LAMA2: variants seen among roughly 807,000 people sequenced by gnomAD.
The protein encoded by LAMA2 is laminin subunit alpha 2.
A neutral mutation model predicts 364.8 loss-of-function variants in LAMA2; 269 were observed. The observed-to-expected ratio is 0.74, with a 90% CI of 0.67 to 0.82. The LOEUF (loss-of-function observed/expected upper bound fraction) is 0.82. LAMA2 is among the 40% of genes least tolerant of loss of function. LAMA2 has a pLI of 0.00. For missense variants in LAMA2, 3,807 were observed against 3,873.2 expected (o/e 0.98, Z 0.45); for synonymous variants, 1,379 against 1,370.6 (o/e 1.01, Z -0.14).
intron 4 of LAMA2, among the ~76,000 whole-genome samples, chr6:129,124,430 C>T (rs1776993098): frequency 6.6e-6 from 1 of 152,156 alleles, no homozygotes; most frequent in Admixed American, 6.5e-5. Context: ...AAGATTTGAA[C>T]CCATTAAGCT....
chr6:129,179,542 G>A (rs541172671), intron 10 of LAMA2, among the ~76,000 whole-genome samples: 1 of 152,202 alleles, frequency 6.6e-6, no homozygotes, highest in East Asian at 1.9e-4. Flanking sequence ...GCTACTTACT[G>A]CCTGCTCTCA....
At chr6:129,299,638 T>A (rs1773422995) in intron 21 of LAMA2, among the ~76,000 whole-genome samples, 2 of 152,176 alleles carry the variant, frequency 1.3e-5, no homozygotes, top group African/African-American at 4.8e-5. Context: ...TTCTTCTTAA[T>A]GAAGGACACA....
intron 1 of LAMA2, among the ~76,000 whole-genome samples, chr6:128,922,089 T>G (rs1778776437): frequency 6.6e-6 from 1 of 152,178 alleles, no homozygotes; most frequent in African/African-American, 2.4e-5. Flanking sequence ...TGCCACATTT[T>G]CTTAATCTAG....
chr6:129,203,392 A>G (rs528558131), intron 12 of LAMA2, among the ~76,000 whole-genome samples: 2 of 152,348 alleles, frequency 1.3e-5, no homozygotes, highest in South Asian at 2.1e-4. Context: ...GCCACTTGCA[A>G]TAGATCAGAC....
chr6:129,236,753 G>GTA (rs142812017), intron 12 of LAMA2, among the ~76,000 whole-genome samples: 7,452 of 151,806 alleles, frequency 0.049, 273 homozygotes, highest in Non-Finnish European at 0.068. Flanking sequence ...ACACATATAA[G>GTA]TATATATATA....
At chr6:129,460,175 C>G (rs372475409) in intron 48 of LAMA2, 25 bp from the exon 49 acceptor site, 2 of 1,609,654 alleles carry the variant, frequency 1.2e-6, no homozygotes, top group African/African-American at 1.3e-5. Context: ...CAAATTCTAG[C>G]AAATAACGGT....
intron 12 of LAMA2, among the ~76,000 whole-genome samples, chr6:129,227,947 A>C (rs866160061): frequency 8.1e-4 from 124 of 152,316 alleles, no homozygotes; most frequent in Middle Eastern, 6.8e-3. Context: ...AGAGGCAGGC[A>C]GGCATCCTTG....
chr6:129,301,765 T>G (rs1431268261), intron 22 of LAMA2, among the ~76,000 whole-genome samples: 1 of 152,136 alleles, frequency 6.6e-6, no homozygotes, highest in East Asian at 1.9e-4. Flanking sequence ...ATTACAGTGG[T>G]GTAATCATCC....
At chr6:129,385,881 T>C (rs1778986849) in intron 35 of LAMA2, among the ~76,000 whole-genome samples, 1 of 152,196 alleles carries the variant, frequency 6.6e-6, no homozygotes, top group Admixed American at 6.5e-5. Context: ...TCAGTCTTAG[T>C]ATGAAAACAG....
intron 37 of LAMA2, among the ~76,000 whole-genome samples, chr6:129,399,059 C>T (rs913828442): frequency 1.3e-5 from 2 of 152,186 alleles, no homozygotes; most frequent in South Asian, 4.1e-4. Flanking sequence ...TGCCTTTCTG[C>T]TAGTCCCTGT....
intron 4 of LAMA2, among the ~76,000 whole-genome samples, chr6:129,142,346 CA>C (rs1441430643): frequency 1.3e-5 from 2 of 151,902 alleles, no homozygotes; most frequent in Non-Finnish European, 1.5e-5. Flanking sequence ...TCGGGGCTTG[CA>C]GACTGCTGAC....
chr6:129,429,112 C>A (rs1182811179), intron 41 of LAMA2, among the ~76,000 whole-genome samples: 1 of 152,202 alleles, frequency 6.6e-6, no homozygotes, highest in Non-Finnish European at 1.5e-5. Flanking sequence ...TTCTTCCAGA[C>A]CTTCAGGATT....
chr6:129,235,796 TTTC>T (rs1305691550), intron 12 of LAMA2, among the ~76,000 whole-genome samples: 2 of 152,184 alleles, frequency 1.3e-5, no homozygotes, highest in Non-Finnish European at 2.9e-5. Context: ...CTTTTTCTTC[TTTC>T]TTCTTCTCCT....
At chr6:128,942,871 G>A (rs1014212478) in intron 1 of LAMA2, among the ~76,000 whole-genome samples, 2 of 152,130 alleles carry the variant, frequency 1.3e-5, no homozygotes, top group Admixed American at 6.5e-5. Flanking sequence ...CGAAAAGTGT[G>A]GGAGCTGAGG....
chr6:128,948,484 C>CA (rs1278293635), intron 1 of LAMA2, among the ~76,000 whole-genome samples: 1 of 152,134 alleles, frequency 6.6e-6, no homozygotes, highest in African/African-American at 2.4e-5. Context: ...TCCAGCCACA[C>CA]AAAAAACACA....
intron 1 of LAMA2, among the ~76,000 whole-genome samples, chr6:128,896,375 G>A (rs1298835656): frequency 2.7e-5 from 4 of 149,884 alleles, no homozygotes; most frequent in South Asian, 2.1e-4. Flanking sequence ...CCATGTCCTG[G>A]TCCTGCTGAA....
chr6:129,128,994 G>A (rs989568751), intron 4 of LAMA2, among the ~76,000 whole-genome samples: 1 of 152,156 alleles, frequency 6.6e-6, no homozygotes, highest in Non-Finnish European at 1.5e-5. Context: ...AACTTCCTGT[G>A]GTTGACTCTT....
intron 34 of LAMA2, among the ~76,000 whole-genome samples, chr6:129,379,546 T>C (rs1434260298): frequency 1.3e-5 from 2 of 152,104 alleles, no homozygotes; most frequent in Admixed American, 6.6e-5. Flanking sequence ...GAAGCTCTTC[T>C]TCTGTGTTTA....
At chr6:129,167,168 T>G (rs1244060101) in intron 9 of LAMA2, among the ~76,000 whole-genome samples, 3 of 152,212 alleles carry the variant, frequency 2.0e-5, no homozygotes, top group African/African-American at 4.8e-5. Context: ...GTTTTTATTT[T>G]TTTTAATTAT....
Sources: allele counts gnomAD v4.1 joint callset (sites outside exome capture counted in the v4.1 genomes callset), GRCh38; gene constraint gnomAD v4.1.1; transcripts MANE v1.5; gene names NCBI Gene and HGNC (gene_info 2026-07-23, HGNC 2026-07-21).